Variants in TBC1D19 observed in about 807,000 individuals in gnomAD.
TBC1D19 encodes the protein TBC1 domain family member 19.
Under a neutral mutation model 89.0 loss-of-function variants are expected in TBC1D19, and 60 were observed. That is an observed-to-expected ratio of 0.67 (90% CI 0.55 to 0.84). The LOEUF (loss-of-function observed/expected upper bound fraction) is 0.84, where lower values mean the gene tolerates loss of function less well. Among genes scored for constraint, TBC1D19 ranks in the 40% least tolerant of loss-of-function variants. TBC1D19 has a pLI of 0.00. For missense variants in TBC1D19, 500 were observed against 610.8 expected, an observed-to-expected ratio of 0.82 and a Z score of 1.91; for synonymous variants, 189 against 199.7, an observed-to-expected ratio of 0.95 and a Z score of 0.45.
chr4:26,812,751 A>G, the TBC1D19 span, among the ~76,000 whole-genome samples: 1 of 151,436 alleles, frequency 6.6e-6, no homozygotes, highest in African/African-American at 2.4e-5. The surrounding 1 kb of genome is among the most constrained non-coding windows in gnomAD (Gnocchi z 4.2). Context: ...TTTTTCTGGT[A>G]TTCAAAAAAG....
chr4:26,771,036 C>G, the TBC1D19 span, among the ~76,000 whole-genome samples: 178 of 152,124 alleles, frequency 1.2e-3, no homozygotes, highest in Non-Finnish European at 4.9e-4. Flanking sequence ...CATCAGTGAT[C>G]TTGGTTTCTA....
intron 16 of TBC1D19, among the ~76,000 whole-genome samples, chr4:26,736,524 C>G (rs1018053372): frequency 1.3e-4 from 19 of 151,898 alleles, no homozygotes; most frequent in African/African-American, 4.6e-4. Context: ...TGCACATGTA[C>G]CCTAAAACTT....
At chr4:26,694,023 C>T (rs1184020777) in intron 13 of TBC1D19, among the ~76,000 whole-genome samples, 1 of 152,092 alleles carries the variant, frequency 6.6e-6, no homozygotes, top group Non-Finnish European at 1.5e-5. Context: ...CCGGGTTCAC[C>T]TCACTGGGGC....
At chr4:26,600,737 A>C (rs1740535548) in intron 1 of TBC1D19, among the ~76,000 whole-genome samples, 1 of 152,166 alleles carries the variant, frequency 6.6e-6, no homozygotes, top group African/African-American at 2.4e-5. Flanking sequence ...CAGGTGAGAG[A>C]AACCAGAGCA....
At chr4:26,799,187 A>G in the TBC1D19 span, among the ~76,000 whole-genome samples, 2 of 152,270 alleles carry the variant, frequency 1.3e-5, no homozygotes, top group East Asian at 3.9e-4. Flanking sequence ...TACAAAAAAT[A>G]AAATAAAATT....
the TBC1D19 span, among the ~76,000 whole-genome samples, chr4:26,817,975 A>ACATATATATATATATATATATATATATAT: frequency 1.9e-5 from 2 of 105,202 alleles, no homozygotes; most frequent in African/African-American, 4.7e-5. Flanking sequence ...ATTTAAAAAA[A>ACATATATATATATATATATATATATATAT]AAAAAAATAT....
chr4:26,798,279 A>G, the TBC1D19 span, among the ~76,000 whole-genome samples: 1,299 of 152,264 alleles, frequency 8.5e-3, 19 homozygotes, highest in African/African-American at 0.03. Context: ...AAGAAATACA[A>G]GCAGTCAACA....
At position 26,717,943 on chromosome 4, in the gene TBC1D19, G is replaced by C. The variant is rs1338315099; in HGVS notation, c.965G>C (p.Cys322Ser). ...FEDYLYQVLL[C>S]FSRDTSVLSH... is the part of the protein sequence containing the mutation. ...CAATGTTATATTCAGGTATTACTTTGTTTTTCCCGGGATACATCTGTGTTG... is the reference window on the plus strand; with the variant it reads ...CAATGTTATATTCAGGTATTACTTTCTTTTTCCCGGGATACATCTGTGTTG... The change falls in exon 14 of 21, where the codon TGT becomes TCT. Residue 322 changes from cysteine to serine, a missense_variant. Transcript: ENST00000264866. 3.1e-6 allele frequency: 5 copies of C among 1,611,204 alleles called. No homozygotes were observed. The African/African-American group carries it at 4.0e-5, about 13-fold the overall frequency.
downstream of TBC1D19, among the ~76,000 whole-genome samples, chr4:26,759,234 A>G (rs573127096): frequency 1.1e-4 from 17 of 152,320 alleles, no homozygotes; most frequent in South Asian, 3.3e-3. Flanking sequence ...TTTCAGCCAT[A>G]TATCTCTAGA....
intron 18 of TBC1D19, among the ~76,000 whole-genome samples, chr4:26,746,131 G>C (rs1415157294): frequency 6.6e-6 from 1 of 151,254 alleles, no homozygotes; most frequent in Non-Finnish European, 1.5e-5. Flanking sequence ...CTTTTCTTCT[G>C]GCAATCCAGT....
At chr4:26,705,996 T>C (rs998610403) in intron 13 of TBC1D19, among the ~76,000 whole-genome samples, 3 of 152,152 alleles carry the variant, frequency 2.0e-5, no homozygotes, top group Admixed American at 2.0e-4. Flanking sequence ...CACTGTACCC[T>C]TGGACTCCTG....
the TBC1D19 span, among the ~76,000 whole-genome samples, chr4:26,814,911 A>G: frequency 6.6e-6 from 1 of 152,038 alleles, no homozygotes; most frequent in East Asian, 1.9e-4. Flanking sequence ...TGTCCCAGCT[A>G]TGTGGGAGGC....
At chr4:26,830,118 C>T in the TBC1D19 span, among the ~76,000 whole-genome samples, 1 of 152,170 alleles carries the variant, frequency 6.6e-6, no homozygotes, top group Non-Finnish European at 1.5e-5. Flanking sequence ...TTGAGCCTAC[C>T]AGAGCCATAC....
intron 7 of TBC1D19, among the ~76,000 whole-genome samples, chr4:26,650,668 G>T (rs949145199): frequency 1.2e-4 from 19 of 152,118 alleles, no homozygotes; most frequent in Non-Finnish European, 2.2e-4. Context: ...TAGGTTGCCT[G>T]TTCACTCTGA....
chr4:26,620,722 A>C (rs763578562), intron 4 of TBC1D19, 34 bp downstream of exon 4: 1 of 1,583,084 alleles, frequency 6.3e-7, no homozygotes, highest in East Asian at 2.2e-5. Flanking sequence ...TTATTTTTTC[A>C]TGCCAAGTTA....
intron 13 of TBC1D19, among the ~76,000 whole-genome samples, chr4:26,698,026 A>T (rs1714965008): frequency 6.6e-6 from 1 of 152,178 alleles, no homozygotes; most frequent in Non-Finnish European, 1.5e-5. Context: ...ATCAGGCAGG[A>T]GAAGGAAATA....
At chr4:26,842,637 T>TTTCTTTCA in the TBC1D19 span, among the ~76,000 whole-genome samples, 3 of 143,574 alleles carry the variant, frequency 2.1e-5, no homozygotes, top group Non-Finnish European at 4.6e-5. Flanking sequence ...TCTTTCTTTC[T>TTTCTTTCA]TTCTTTCTTT....
chr4:26,726,811 TGAG>T (rs1717347736), intron 15 of TBC1D19, among the ~76,000 whole-genome samples: 1 of 48,134 alleles, frequency 2.1e-5, no homozygotes, highest in South Asian at 1.2e-3. Flanking sequence ...ATAGAGACAA[TGAG>T]GAAATGAAGA....
chr4:26,601,389 G>C (rs1419967637), intron 1 of TBC1D19, among the ~76,000 whole-genome samples: 4 of 152,114 alleles, frequency 2.6e-5, no homozygotes, highest in African/African-American at 9.7e-5. Flanking sequence ...GGGCTGAATA[G>C]TATTCCATTG....
Sources: gnomAD v4.1 joint callset for allele counts (sites outside exome capture counted in the v4.1 genomes callset) on GRCh38, gnomAD v4.1.1 for gene constraint, Gnocchi (gnomAD v3.1) non-coding constraint, MANE v1.5 for transcripts, NCBI Gene and HGNC (gene_info 2026-07-23, HGNC 2026-07-21) for gene names.